WDR27: variants seen among roughly 807,000 people sequenced by gnomAD.
WDR27 encodes the protein WD repeat domain 27.
In WDR27, 100 loss-of-function variants were observed where a neutral mutation model predicts 114.4. That is an observed-to-expected ratio of 0.87 (90% CI 0.74 to 1.03). WDR27 has a LOEUF of 1.03. Among genes scored for constraint, WDR27 ranks in the 50% least tolerant of loss-of-function variants. WDR27 has a pLI of 0.00. For synonymous variants in WDR27, 449 were observed against 423.1 expected (o/e 1.06, Z -0.75); for missense variants, 1,129 against 1,092.9 (o/e 1.03, Z -0.47).
intron 25 of WDR27, among the ~76,000 whole-genome samples, chr6:169,546,048 A>G (rs767039179): frequency 3.3e-5 from 5 of 152,136 alleles, no homozygotes; most frequent in Non-Finnish European, 5.9e-5. Context: ...CATTAAGGAA[A>G]ACACAGATCA....
intron 25 of WDR27, among the ~76,000 whole-genome samples, chr6:169,563,148 A>T (rs1353360709): frequency 6.6e-6 from 1 of 152,038 alleles, no homozygotes; most frequent in Non-Finnish European, 1.5e-5. Flanking sequence ...CACATGGAGA[A>T]AGGTTTCCTG....
chr6:169,471,125 C>G (rs1786320570), intron 25 of WDR27, among the ~76,000 whole-genome samples: 1 of 150,770 alleles, frequency 6.6e-6, no homozygotes, highest in Non-Finnish European at 1.5e-5. Flanking sequence ...TGGTGCAGTT[C>G]TAGTCATATT....
intron 25 of WDR27, among the ~76,000 whole-genome samples, chr6:169,570,512 A>G (rs1235165473): frequency 6.6e-6 from 1 of 152,210 alleles, no homozygotes; most frequent in African/African-American, 2.4e-5. Flanking sequence ...ACTCATTCTC[A>G]GCAGTCCTTT....
chr6:169,602,197 T>C (rs1472772943), intron 23 of WDR27, 22 bp downstream of exon 23: 2 of 1,508,422 alleles, frequency 1.3e-6, no homozygotes, highest in Non-Finnish European at 1.8e-6. Flanking sequence ...TCTACATTTA[T>C]AGACAGTCAA....
the WDR27 span, among the ~76,000 whole-genome samples, chr6:169,448,354 T>TTC: frequency 5.4e-3 from 816 of 149,824 alleles, 11 homozygotes; most frequent in African/African-American, 0.019. Context: ...GTTGTTGATT[T>TTC]TCTCTCTCTC....
chr6:169,531,756 C>T (rs570997218), intron 25 of WDR27, among the ~76,000 whole-genome samples: 16 of 151,478 alleles, frequency 1.1e-4, no homozygotes, highest in East Asian at 3.9e-4. Context: ...TGGTTTCAAG[C>T]GATTTTCCTG....
intron 21 of WDR27, among the ~76,000 whole-genome samples, chr6:169,624,286 T>A (rs971495948): frequency 1.3e-5 from 2 of 150,760 alleles, no homozygotes; most frequent in Non-Finnish European, 3.0e-5. Flanking sequence ...GTCAGGTGTG[T>A]GGCGTCAGGT....
chr6:169,572,445 G>A lies in WDR27; in HGVS notation c.2619C>T (p.Leu873=), dbSNP rs1016570057. The A allele has an allele frequency of 1.3e-5, 2 of 150,916 alleles. No individual in the cohort carries two copies. Among genetic ancestry groups the A allele is most frequent in the African/African-American group, 4.9e-5 (2 of 40,752 alleles). 9.3% of individuals were successfully genotyped at this position (150,916 alleles called of 1,614,324 possible). A position where few individuals can be genotyped will look rare whatever the true frequency, so the allele number is the denominator to read the frequency against. ...PPSRFKQFFC[L]SLPSSWDYSL... is the part of the protein sequence containing the mutation. ...TGTAATCCCAGCTACTCGGGAGGCT[G>A]AGGCAGAAGAATTGCTTGAACCTGG... The change falls in exon 25 of 26, where the codon CTC becomes CTT. Residue 873 remains leucine, a synonymous_variant. Transcript: ENST00000448612.
At chr6:169,613,277 T>C (rs1811031634) in intron 22 of WDR27, among the ~76,000 whole-genome samples, 1 of 152,026 alleles carries the variant, frequency 6.6e-6, no homozygotes, top group South Asian at 2.1e-4. Context: ...AATCACACCA[T>C]AGGGTAACTG....
At chr6:169,508,758 C>T (rs1388145878) in intron 25 of WDR27, among the ~76,000 whole-genome samples, 2 of 152,154 alleles carry the variant, frequency 1.3e-5, no homozygotes, top group Non-Finnish European at 2.9e-5. Flanking sequence ...GTGTTTAAAA[C>T]TTATAATTAT....
At chr6:169,686,439 A>G (rs749012775) in intron 2 of WDR27, among the ~76,000 whole-genome samples, 2 of 152,198 alleles carry the variant, frequency 1.3e-5, no homozygotes, top group Non-Finnish European at 2.9e-5. Context: ...ATGTAAATAA[A>G]TAACATTCCC....
chr6:169,638,759 A>G, intron 17 of WDR27, 99 bp from the exon 18 acceptor site: 1 of 1,451,612 alleles, frequency 6.9e-7, no homozygotes, highest in Non-Finnish European at 9.3e-7. Flanking sequence ...CAACTGGAAC[A>G]GCATTTTTCA....
intron 24 of WDR27, among the ~76,000 whole-genome samples, chr6:169,580,194 A>G (rs4716367): frequency 0.89 from 135,205 of 152,292 alleles, 60,718 homozygotes; most frequent in East Asian, 0.99. Context: ...GCTTAGGAGC[A>G]TACTATCTTT....
intron 17 of WDR27, 24 bp downstream of exon 17, chr6:169,643,673 G>A: frequency 6.2e-7 from 1 of 1,604,146 alleles, no homozygotes; most frequent in Non-Finnish European, 8.5e-7. Flanking sequence ...AGTTCATACT[G>A]ACTGAAATTA....
At chr6:169,578,267 A>T (rs1802778833) in intron 24 of WDR27, among the ~76,000 whole-genome samples, 2 of 152,174 alleles carry the variant, frequency 1.3e-5, no homozygotes, top group Non-Finnish European at 2.9e-5. Context: ...TTACTTTCTT[A>T]TCCATAGCGA....
At chr6:169,510,643 A>T (rs1583873755) in intron 25 of WDR27, among the ~76,000 whole-genome samples, 1 of 97,234 alleles carries the variant, frequency 1.0e-5, no homozygotes. Flanking sequence ...GGGTGGGGGG[A>T]GGGGGGAAGG....
intron 2 of WDR27, among the ~76,000 whole-genome samples, chr6:169,679,603 G>A (rs1291265596): frequency 3.9e-5 from 6 of 152,090 alleles, no homozygotes; most frequent in Admixed American, 3.9e-4. Context: ...AAAGTGTATG[G>A]CACCTCCTCC....
At chr6:169,429,997 G>A in the WDR27 span, among the ~76,000 whole-genome samples, 1 of 152,176 alleles carries the variant, frequency 6.6e-6, no homozygotes, top group Non-Finnish European at 1.5e-5. Context: ...CCAGGCCAAG[G>A]CCCCTCATGT....
At chr6:169,427,729 G>A in the WDR27 span, among the ~76,000 whole-genome samples, 1 of 149,654 alleles carries the variant, frequency 6.7e-6, no homozygotes, top group Non-Finnish European at 1.5e-5. Flanking sequence ...AAACAAGGGT[G>A]TCAAAAATGA....
Sources: gnomAD v4.1 joint callset for allele counts (sites outside exome capture counted in the v4.1 genomes callset) on GRCh38, gnomAD v4.1.1 for gene constraint, MANE v1.5 for transcripts, NCBI Gene and HGNC (gene_info 2026-07-23, HGNC 2026-07-21) for gene names.